The following TLCD3A variants were observed in gnomAD, a reference collection of about 807,000 sequenced individuals.
The protein encoded by TLCD3A is TLC domain containing 3A, also known as TLC domain-containing protein 3A.
TLCD3A carries 17 observed loss-of-function variants against 29.9 expected under a neutral mutation model. The ratio of observed to expected loss-of-function variants is 0.57; its 90% CI spans 0.39 to 0.85. TLCD3A has a LOEUF of 0.85. Ranked by LOEUF, TLCD3A falls within the 40% of genes least tolerant of loss-of-function variation. The probability of loss-of-function intolerance (pLI) is 0.00; values close to 1 mark genes in which losing one functional copy is unlikely to be tolerated. For missense variants in TLCD3A, 332 were observed against 350.8 expected (o/e 0.95, Z 0.43); for synonymous variants, 143 against 147.7 (o/e 0.97, Z 0.23).
At chr17:733,688 A>C (rs986083287) in intron 2 of TLCD3A, among the ~76,000 whole-genome samples, 3 of 152,238 alleles carry the variant, frequency 2.0e-5, no homozygotes, top group African/African-American at 7.2e-5. Flanking sequence ...AGGTCAGTCC[A>C]GAGGCAGGTC....
chr17:741,239 C>T (rs1244579762), intron 4 of TLCD3A, 62 bp from the exon 5 acceptor site: 25 of 1,573,502 alleles, frequency 1.6e-5, no homozygotes, highest in Non-Finnish European at 1.9e-5. Flanking sequence ...GACTTGGGCC[C>T]GTCGCTCCCT....
Position 737,995 on chromosome 17 carries a change from T to G in TLCD3A, c.356T>G (p.Leu119Arg), listed in dbSNP as rs1291107570. 1 of 1,612,058 alleles carries G rather than the reference T, an allele frequency of 6.2e-7. No homozygotes were observed. The highest frequency in any genetic ancestry group is 8.5e-7 in the Non-Finnish European group (1 of 1,179,084). ...CGAAACTTCCTAAGTCGAAACCGCC[T>G]CATGATCACACATCATGCGGTCATT... Reference protein sequence around the residue: ...TLRNFLSRNRLMITHHAVILF... With the variant: ...TLRNFLSRNRRMITHHAVILF... Residue 119 changes from leucine to arginine, a missense_variant, in exon 3 of 5, where the codon CTC becomes CGC. By Grantham distance (102) the Leu-to-Arg change is moderately radical (BLOSUM62 -2). Coordinates refer to ENST00000308278, the MANE Select transcript of TLCD3A (RefSeq NM_024792.3).
chr17:738,092 G>GTGTT lies in TLCD3A; in HGVS notation c.408+48_408+49insTTGT, dbSNP rs770867597. 2,012 of 457,774 alleles carry GTGTT rather than the reference G, an allele frequency of 4.4e-3. 10 individuals are homozygous for GTGTT. The highest frequency in any genetic ancestry group is 0.02 in the Middle Eastern group (31 of 1,538). The allele number at this position is 457,774 out of a possible 1,614,324, so 28.4% of individuals were successfully genotyped here. A position where few individuals can be genotyped will look rare whatever the true frequency, so the allele number is the denominator to read the frequency against. The stretch of plus-strand genomic sequence containing the variant: ...CAGACCAGCAGCTGGGTTGAGCTGG[G>GTGTT]TGTCTTTTTTTTTTTTTTTTTCTGA... On this transcript the variant is annotated intron_variant, in intron 3 of 4. Transcript: ENST00000308278.
rs774075561 is a variant in TLCD3A at position 740,484 on chromosome 17, TTTTCG to T, written c.409-14_409-10del. The T allele has an allele frequency of 4.3e-5, 69 of 1,598,196 alleles. No homozygotes were observed. Among genetic ancestry groups the T allele is most frequent in the Admixed American group, 8.3e-5 (5 of 59,964 alleles). ...TTTCTTAACCTCCACTTACTTCCCC[TTTTCG>T]TTTCGTCATCCGCAGAGGCTCCGGG... On this transcript the variant is annotated splice_polypyrimidine_tract_variant and intron_variant, in intron 3 of 4. Transcript: ENST00000308278.
intron 2 of TLCD3A, among the ~76,000 whole-genome samples, chr17:737,640 G>GTGAA (rs1332270704): frequency 6.6e-6 from 1 of 152,192 alleles, no homozygotes; most frequent in African/African-American, 2.4e-5. Flanking sequence ...GCAGGGCTGA[G>GTGAA]TGAATGCCTG....
At chr17:733,753 G>T (rs1437671919) in intron 2 of TLCD3A, among the ~76,000 whole-genome samples, 1 of 152,194 alleles carries the variant, frequency 6.6e-6, no homozygotes, top group Non-Finnish European at 1.5e-5. Context: ...ATTAAGACCA[G>T]AATAGTCGAC....
Position 741,629 on chromosome 17 carries a change from T to C in TLCD3A, c.*59T>C, listed in dbSNP as rs1334491379. ...GCTGCCTCCTCCACTCAGCATTCCATGGACCAAATTGTGCCCTGGGTAGCC... is the reference window on the plus strand; with the variant it reads ...GCTGCCTCCTCCACTCAGCATTCCACGGACCAAATTGTGCCCTGGGTAGCC... On this transcript the variant is annotated 3_prime_UTR_variant, in exon 5 of 5. Transcript: ENST00000308278. 2.5e-6 allele frequency: 4 copies of C among 1,580,644 alleles called. No homozygotes were observed. The East Asian group carries it at 9.0e-5, about 35-fold the overall frequency.
chr17:741,758 G>GT lies in TLCD3A; in HGVS notation c.*189dup. ...CCCTATTTGCAAAAGCACTTTTGTA[G>GT]TAACAACTATTGGGTCCTGTCAGAC... On this transcript the variant is annotated 3_prime_UTR_variant, in exon 5 of 5. Transcript: ENST00000308278. The GT allele has an allele frequency of 1.5e-6, 1 of 682,234 alleles. No individual in the cohort carries two copies. The highest frequency in any genetic ancestry group is 2.4e-6 in the Non-Finnish European group (1 of 411,912). The allele number at this position is 682,234 out of a possible 1,614,324, so 42.3% of individuals were successfully genotyped here. A position where few individuals can be genotyped will look rare whatever the true frequency, so the allele number is the denominator to read the frequency against.
In TLCD3A at chr17:738,094, G is replaced by GTTTTTT. The variant is rs200758501; in HGVS notation, c.408+48_408+49insTTTTTT. ...GACCAGCAGCTGGGTTGAGCTGGGT[G>GTTTTTT]TCTTTTTTTTTTTTTTTTTCTGAGA... On this transcript the variant is annotated intron_variant, in intron 3 of 4. Coordinates refer to ENST00000308278, the MANE Select transcript of TLCD3A (RefSeq NM_024792.3). 307 of 428,782 alleles carry GTTTTTT rather than the reference G, an allele frequency of 7.2e-4. 2 individuals carry two copies. The African/African-American group carries it at 8.4e-3, about 12-fold the overall frequency. 26.6% of individuals were successfully genotyped at this position (428,782 alleles called of 1,614,324 possible).
chr17:734,176 C>T (rs1974118833), intron 2 of TLCD3A, among the ~76,000 whole-genome samples: 1 of 123,736 alleles, frequency 8.1e-6, no homozygotes, highest in East Asian at 2.8e-4. Flanking sequence ...TACAATTTTT[C>T]TTCTTCTTCT....
chr17:737,110 C>T (rs990456353), intron 2 of TLCD3A, among the ~76,000 whole-genome samples: 4 of 151,972 alleles, frequency 2.6e-5, no homozygotes, highest in African/African-American at 7.3e-5. Context: ...CTCCCGGGTT[C>T]AAGTGATTCT....
chr17:739,206 T>C (rs896700937), intron 3 of TLCD3A, among the ~76,000 whole-genome samples: 1 of 151,798 alleles, frequency 6.6e-6, no homozygotes, highest in Non-Finnish European at 1.5e-5. Flanking sequence ...TATTTAGTTA[T>C]TCATTTTTTT....
At chr17:740,068 T>C (rs1419217481) in intron 3 of TLCD3A, among the ~76,000 whole-genome samples, 2 of 152,016 alleles carry the variant, frequency 1.3e-5, no homozygotes, top group African/African-American at 4.8e-5. Flanking sequence ...ATAAAATAAA[T>C]AAATAAGGGT....
At chr17:740,976 AG>A (rs1402001028) in intron 4 of TLCD3A, among the ~76,000 whole-genome samples, 1 of 152,200 alleles carries the variant, frequency 6.6e-6, no homozygotes, top group Non-Finnish European at 1.5e-5. Context: ...AGTTTGATAC[AG>A]CTCATTCTAT....
intron 4 of TLCD3A, 85 bp downstream of exon 4, chr17:740,685 A>G (rs895854357): frequency 3.6e-6 from 5 of 1,375,658 alleles, no homozygotes; most frequent in African/African-American, 2.9e-5. Context: ...GAGGGTTCTG[A>G]TTCAGGCATG....
intron 3 of TLCD3A, among the ~76,000 whole-genome samples, chr17:739,231 C>T (rs1288281071): frequency 6.6e-6 from 1 of 151,462 alleles, no homozygotes; most frequent in Non-Finnish European, 1.5e-5. Context: ...TGGCGTTTTG[C>T]TCTTGTTGCC....
intron 2 of TLCD3A, among the ~76,000 whole-genome samples, chr17:735,078 A>G (rs1221494094): frequency 6.6e-6 from 1 of 152,124 alleles, no homozygotes; most frequent in Non-Finnish European, 1.5e-5. Context: ...ACTGGAGTGC[A>G]GTGGTGAGGT....
intron 1 of TLCD3A, 125 bp from the exon 2 acceptor site, chr17:732,973 G>A: frequency 8.6e-6 from 12 of 1,398,354 alleles, no homozygotes; most frequent in Non-Finnish European, 1.2e-5. Flanking sequence ...TGGCCGATGA[G>A]CCTCCGGAGC....
rs552187385 is a variant in TLCD3A at position 741,679 on chromosome 17, G to A, written c.*109G>A. On this transcript the variant is annotated 3_prime_UTR_variant, in exon 5 of 5. Coordinates refer to ENST00000308278, the MANE Select transcript of TLCD3A (RefSeq NM_024792.3). ...CTCAGACTTTGGGTATTGATAAGCC[G>A]ATGGATTTGAGTTTTTCTAAAGAAT... The A allele has an allele frequency of 1.8e-5, 23 of 1,312,450 alleles. No individual in the cohort carries two copies. The highest frequency in any genetic ancestry group is 4.8e-5 in the East Asian group (2 of 41,560). The allele number at this position is 1,312,450 out of a possible 1,614,324, so 81.3% of individuals were successfully genotyped here. A position where few individuals can be genotyped will look rare whatever the true frequency, so the allele number is the denominator to read the frequency against.
Sources: allele counts gnomAD v4.1 joint callset (sites outside exome capture counted in the v4.1 genomes callset), GRCh38; gene constraint gnomAD v4.1.1; transcripts MANE v1.5; gene names NCBI Gene and HGNC (gene_info 2026-07-23, HGNC 2026-07-21).